Variants in CD44 observed in about 807,000 individuals in gnomAD.
CD44 encodes the protein CD44 antigen.
In CD44, 49 loss-of-function variants were observed where a neutral mutation model predicts 88.8. That is an observed-to-expected ratio of 0.55 (90% confidence interval 0.44 to 0.70). CD44 has a LOEUF of 0.70. Ranked by LOEUF, CD44 falls within the 30% of genes least tolerant of loss-of-function variation. The pLI, the probability that CD44 is intolerant of heterozygous loss-of-function variation, is 0.00. For missense variants in CD44, 883 were observed against 913.8 expected, an observed-to-expected ratio of 0.97 and a Z score of 0.43; for synonymous variants, 325 against 312.3, an observed-to-expected ratio of 1.04 and a Z score of -0.43.
At position 35,163,379 on chromosome 11, in the gene CD44, T is replaced by C. The variant is rs1942882312; in HGVS notation, c.68-13196T>C. On this transcript the variant is annotated intron_variant, in intron 1 of 17. Transcript: ENST00000428726. ...GAGGCCACTAGGATTACAAGGCAGT[T>C]AGTGCCCATTGGAGTGTGACTGGCA... 2.0e-5 allele frequency among the ~76,000 whole-genome samples: 3 copies of C among 152,136 alleles called. No individual in the cohort carries two copies. The South Asian group carries it at 6.2e-4, about 32-fold the overall frequency.
chr11:35,164,129 G>A (rs765643392), intron 1 of CD44, among the ~76,000 whole-genome samples: 6 of 151,956 alleles, frequency 3.9e-5, no homozygotes, highest in Non-Finnish European at 7.4e-5. Context: ...TAGTGTTACA[G>A]CCACATCCAT....
Position 35,219,340 on chromosome 11 carries a change from G to A in CD44, c.1898G>A (p.Gly633Asp), listed in dbSNP as rs775967703. 1.2e-6 allele frequency: 2 copies of A among 1,613,860 alleles called. No individual in the cohort carries two copies. Among genetic ancestry groups the A allele is most frequent in the African/African-American group, 2.7e-5 (2 of 75,034 alleles). The part of the protein sequence containing the change: ...SDGHSHGSQE[G>D]GANTTSGPIR... ...GGACACTCACATGGGAGTCAAGAAG[G>A]TGGAGCAAACACAACCTCTGGTCCT... Residue 633 changes from glycine to aspartate, a missense_variant, in exon 16 of 18, where the codon GGT (glycine) becomes GAT (aspartate). Transcript: ENST00000428726.
intron 17 of CD44, chr11:35,223,360 GCAC>G: frequency 3.5e-6 from 3 of 863,204 alleles, no homozygotes; most frequent in Non-Finnish European, 4.2e-6. Flanking sequence ...GCCCTAGAAT[GCAC>G]CACTTTTGCT....
rs1949427473 is a variant in CD44 at position 35,222,994 on chromosome 11, CTAAT to C, written c.2024+1265_2024+1268del. The stretch of plus-strand genomic sequence containing the variant: ...ACACCATGGGCAGCCCATACAGTCT[CTAAT>C]TATCTGAGAAAATCAAATGATGCTG... On this transcript the variant is annotated intron_variant, in intron 17 of 17. Coordinates refer to ENST00000428726, the MANE Select transcript of CD44 (RefSeq NM_000610.4). The C allele has an allele frequency of 6.1e-6, 6 of 985,254 alleles. No individual in the cohort carries two copies. In the South Asian group the frequency reaches 2.8e-4, roughly 46 times the overall value. The allele number at this position is 985,254 out of a possible 1,614,324, so 61.0% of individuals were successfully genotyped here. A position where few individuals can be genotyped will look rare whatever the true frequency, so the allele number is the denominator to read the frequency against.
chr11:35,215,666 G>A (rs547067508), intron 15 of CD44, among the ~76,000 whole-genome samples: 3 of 152,058 alleles, frequency 2.0e-5, no homozygotes, highest in Admixed American at 6.6e-5. Flanking sequence ...GGTGGATCAC[G>A]AGGTCAGGAG....
intron 15 of CD44, among the ~76,000 whole-genome samples, chr11:35,218,606 C>G (rs113973431): frequency 6.6e-5 from 10 of 152,224 alleles, no homozygotes; most frequent in African/African-American, 2.2e-4. Flanking sequence ...GGATTACAGG[C>G]GTGAGCAAAC....
chr11:35,188,615 A>AC (rs1945939474), intron 4 of CD44, among the ~76,000 whole-genome samples: 1 of 149,928 alleles, frequency 6.7e-6, no homozygotes. Flanking sequence ...TGAGACCTTG[A>AC]TTTTTTTTTT....
chr11:35,146,366 T>G (rs980754706), intron 1 of CD44, among the ~76,000 whole-genome samples: 4 of 152,216 alleles, frequency 2.6e-5, no homozygotes, highest in African/African-American at 9.6e-5. Context: ...GCATTGCAAG[T>G]CTCCTTCGCA....
chr11:35,142,987 A>G (rs1217347195), intron 1 of CD44, among the ~76,000 whole-genome samples: 1 of 152,076 alleles, frequency 6.6e-6, no homozygotes, highest in Non-Finnish European at 1.5e-5. Flanking sequence ...TATCTCTATC[A>G]TGAGGACTGT....
chr11:35,181,168 GA>G (rs1294374353), intron 3 of CD44, among the ~76,000 whole-genome samples: 1 of 152,104 alleles, frequency 6.6e-6, no homozygotes, highest in Non-Finnish European at 1.5e-5. Context: ...TATTATATGA[GA>G]GGGCTGGAAA....
rs1949333255 is a variant in CD44 at position 35,221,883 on chromosome 11, A to C, written c.2024+151A>C. ...AATGCACAATCTCAGACCCAACCCCAGACCTCCTATGGCAGAGTCTGCATC... is the reference window on the plus strand; with the variant it reads ...AATGCACAATCTCAGACCCAACCCCCGACCTCCTATGGCAGAGTCTGCATC... On this transcript the variant is annotated intron_variant, in intron 17 of 17. Coordinates refer to ENST00000428726, the MANE Select transcript of CD44 (RefSeq NM_000610.4). 7 of 702,732 alleles carry C rather than the reference A, an allele frequency of 1.0e-5. No individual in the cohort carries two copies. In the Admixed American group the frequency reaches 1.4e-4, roughly 14 times the overall value. The allele number at this position is 702,732 out of a possible 1,614,324, so 43.5% of individuals were successfully genotyped here.
At chr11:35,226,816 A>G (rs1361265901) in intron 17 of CD44, among the ~76,000 whole-genome samples, 1 of 151,066 alleles carries the variant, frequency 6.6e-6, no homozygotes, top group African/African-American at 2.4e-5. Flanking sequence ...GAGTTGCCCC[A>G]GGTCACATAG....
chr11:35,189,811 G>A (rs1946091285), intron 4 of CD44, 24 bp from the exon 5 acceptor site: 2 of 1,505,244 alleles, frequency 1.3e-6, no homozygotes, highest in Non-Finnish European at 1.8e-6. Context: ...GTGAAGTTCT[G>A]TAAGTACCTT....
intron 17 of CD44, among the ~76,000 whole-genome samples, chr11:35,223,650 T>C (rs1277099037): frequency 6.6e-6 from 1 of 152,146 alleles, no homozygotes; most frequent in African/African-American, 2.4e-5. Flanking sequence ...AGCGAGTATC[T>C]CACCAGGAAA....
At chr11:35,157,955 A>G (rs1397589189) in intron 1 of CD44, among the ~76,000 whole-genome samples, 1 of 152,118 alleles carries the variant, frequency 6.6e-6, no homozygotes, top group Admixed American at 6.5e-5. Flanking sequence ...CGCCTCTGAA[A>G]CAAGCCTCAT....
intron 7 of CD44, among the ~76,000 whole-genome samples, chr11:35,199,123 T>C (rs189091716): frequency 2.4e-4 from 37 of 152,266 alleles, no homozygotes; most frequent in African/African-American, 8.7e-4. Flanking sequence ...TGGACACCAA[T>C]ATAGCAGAAA....
chr11:35,193,074 G>T (rs1008874880), intron 5 of CD44, among the ~76,000 whole-genome samples: 5 of 152,030 alleles, frequency 3.3e-5, no homozygotes, highest in African/African-American at 1.2e-4. Flanking sequence ...GGATGCTCAG[G>T]TTTGTCTGGA....
chr11:35,152,879 TG>T (rs1477148531), intron 1 of CD44, among the ~76,000 whole-genome samples: 1 of 152,184 alleles, frequency 6.6e-6, no homozygotes, highest in African/African-American at 2.4e-5. Flanking sequence ...GAGGTGGGAA[TG>T]GGATAATCAT....
intron 5 of CD44, among the ~76,000 whole-genome samples, chr11:35,194,620 C>T (rs1056250899): frequency 6.6e-6 from 1 of 152,290 alleles, no homozygotes; most frequent in African/African-American, 2.4e-5. Flanking sequence ...CGTCCATTAT[C>T]ACGTCAAATC....
Sources: gnomAD v4.1 joint callset for allele counts (sites outside exome capture counted in the v4.1 genomes callset) on GRCh38, gnomAD v4.1.1 for gene constraint, MANE v1.5 for transcripts, NCBI Gene and HGNC (gene_info 2026-07-23, HGNC 2026-07-21) for gene names.